The following PLCG2 variants were observed in gnomAD, a reference collection of about 807,000 sequenced individuals.
PLCG2 encodes the protein 1-phosphatidylinositol 4,5-bisphosphate phosphodiesterase gamma-2.
A neutral mutation model predicts 175.6 loss-of-function variants in PLCG2; 69 were observed. The observed-to-expected ratio is 0.39, with a 90% CI of 0.32 to 0.48. The LOEUF (loss-of-function observed/expected upper bound fraction) is 0.48, where lower values mean the gene tolerates loss of function less well. Ranked by LOEUF, PLCG2 falls within the 20% of genes least tolerant of loss-of-function variation. PLCG2 has a pLI of 0.91. For synonymous variants in PLCG2, 827 were observed against 624.0 expected (o/e 1.33, Z -4.85); for missense variants, 1,798 against 1,650.9 (o/e 1.09, Z -1.54).
At chr16:81,912,208 C>T (rs1337255699) in intron 18 of PLCG2, among the ~76,000 whole-genome samples, 1 of 152,198 alleles carries the variant, frequency 6.6e-6, no homozygotes, top group African/African-American at 2.4e-5. Flanking sequence ...GCTGGGATTA[C>T]AGGCGTGAGC....
intron 23 of PLCG2, among the ~76,000 whole-genome samples, chr16:81,927,721 T>C (rs1259463976): frequency 1.3e-5 from 2 of 152,218 alleles, no homozygotes; most frequent in Non-Finnish European, 2.9e-5. Context: ...CCCAGGTGTT[T>C]ATTTTCTAAG....
chr16:81,824,046 T>G lies in PLCG2; in HGVS notation c.194-30398T>G, dbSNP rs13335046. On this transcript the variant is annotated intron_variant, in intron 2 of 32. Coordinates refer to ENST00000564138, the MANE Select transcript of PLCG2 (RefSeq NM_002661.5). ...TTCCTTTCCTTTCCTTTCCTTTCCT[T>G]TCCTGTCCTGTCCTGTCCTGTCCTG... Among the ~76,000 whole-genome samples, 379 of 108,734 alleles carry G rather than the reference T, an allele frequency of 3.5e-3. 9 individuals carry two copies. Among genetic ancestry groups the G allele is most frequent in the African/African-American group, 0.014 (328 of 23,404 alleles). The allele number at this position is 108,734 out of a possible 152,430, so 71.3% of individuals were successfully genotyped here. A position where few individuals can be genotyped will look rare whatever the true frequency, so the allele number is the denominator to read the frequency against.
At chr16:81,860,520 A>G (rs1597359460) in intron 5 of PLCG2, among the ~76,000 whole-genome samples, 1 of 152,126 alleles carries the variant, frequency 6.6e-6, no homozygotes, top group African/African-American at 2.4e-5. Flanking sequence ...CCCTTTCCTG[A>G]TGATTTATTG....
chr16:81,905,099 C>T (rs1051426938), intron 14 of PLCG2, among the ~76,000 whole-genome samples: 9 of 152,234 alleles, frequency 5.9e-5, no homozygotes, highest in Non-Finnish European at 7.3e-5. Context: ...GTTGGCCAGG[C>T]TGGTCTAGAA....
intron 13 of PLCG2, chr16:81,897,957 A>T (rs569636742): frequency 2.3e-6 from 1 of 432,424 alleles, no homozygotes; most frequent in Non-Finnish European, 4.7e-6. Context: ...AAACCTTTCA[A>T]TGAAGGCATA....
intron 2 of PLCG2, among the ~76,000 whole-genome samples, chr16:81,787,570 A>G (rs539405150): frequency 2.0e-5 from 3 of 149,984 alleles, no homozygotes; most frequent in Non-Finnish European, 4.4e-5. Context: ...TGATTGAGAC[A>G]TAATTCACAT....
chr16:81,889,093 C>T (rs371373862), intron 9 of PLCG2, 79 bp from the exon 10 acceptor site: 32 of 847,990 alleles, frequency 3.8e-5, no homozygotes, highest in East Asian at 3.3e-4. Flanking sequence ...TCTTCGATTG[C>T]GACTGGATGG....
rs549011963 is a variant in PLCG2 at position 81,910,967 on chromosome 16, C to T, written c.1934+247C>T. ...TTCTTCTACTTTGTCTTCATAGCCC[C>T]GAGACTTTGGGCTTTGATTTTCAGA... On this transcript the variant is annotated intron_variant, in intron 18 of 32. Transcript: ENST00000564138. 7.2e-5 allele frequency among the ~76,000 whole-genome samples: 11 copies of T among 152,230 alleles called. No individual in the cohort carries two copies. The South Asian group carries it at 1.0e-3, about 14-fold the overall frequency.
intron 1 of PLCG2, among the ~76,000 whole-genome samples, chr16:81,782,906 A>T (rs1376789570): frequency 6.6e-6 from 1 of 152,228 alleles, no homozygotes; most frequent in African/African-American, 2.4e-5. Context: ...ACTGCAGGTG[A>T]GAGTGTAAAT....
intron 2 of PLCG2, among the ~76,000 whole-genome samples, chr16:81,757,541 G>C (rs12932989): frequency 0.012 from 1,842 of 152,120 alleles, 15 homozygotes; most frequent in South Asian, 0.031. Flanking sequence ...TCCAGCCTGG[G>C]TGACAGAGTG....
At chr16:81,908,977 C>G (rs925227814) in intron 17 of PLCG2, among the ~76,000 whole-genome samples, 1 of 152,178 alleles carries the variant, frequency 6.6e-6, no homozygotes, top group Non-Finnish European at 1.5e-5. Context: ...CTTCTAGCAT[C>G]TCTGTCTCCT....
intron 1 of PLCG2, among the ~76,000 whole-genome samples, chr16:81,780,326 T>C (rs771491054): frequency 7.9e-5 from 12 of 152,168 alleles, no homozygotes. Context: ...GTGTCGAGAA[T>C]TGGGGCTTAT....
intron 2 of PLCG2, among the ~76,000 whole-genome samples, chr16:81,761,617 A>G (rs145814860): frequency 1.0e-3 from 153 of 152,252 alleles, no homozygotes; most frequent in African/African-American, 3.5e-3. Flanking sequence ...GGGGATCAAA[A>G]TAGAACACCC....
intron 2 of PLCG2, among the ~76,000 whole-genome samples, 191 bp from the exon 3 acceptor site, chr16:81,854,253 G>A (rs1906567980): frequency 6.6e-6 from 1 of 152,182 alleles, no homozygotes; most frequent in Admixed American, 6.5e-5. Flanking sequence ...GGCAGCAAAT[G>A]CCCGGGTAGG....
At chr16:81,786,389 T>G (rs769972632) in intron 2 of PLCG2, among the ~76,000 whole-genome samples, 39 of 152,208 alleles carry the variant, frequency 2.6e-4, no homozygotes, top group Non-Finnish European at 5.7e-4. Flanking sequence ...AAAACTCTGG[T>G]GAAAGAACTG....
chr16:81,782,547 A>G (rs946944410), intron 1 of PLCG2, among the ~76,000 whole-genome samples: 2 of 152,226 alleles, frequency 1.3e-5, no homozygotes, highest in African/African-American at 4.8e-5. Flanking sequence ...GCAGGATTTG[A>G]ATGGTGGACT....
chr16:81,780,711 G>A (rs1910690926), intron 1 of PLCG2, among the ~76,000 whole-genome samples: 1 of 152,178 alleles, frequency 6.6e-6, no homozygotes, highest in South Asian at 2.1e-4. Context: ...TCAATGAAAA[G>A]CTGCTGGTGA....
intron 24 of PLCG2, among the ~76,000 whole-genome samples, chr16:81,930,359 T>C (rs1305897685): frequency 6.6e-6 from 1 of 152,168 alleles, no homozygotes; most frequent in Non-Finnish European, 1.5e-5. Context: ...TCTCCTAGTT[T>C]CTGGTGACTC....
chr16:81,835,520 T>C, intron 2 of PLCG2, among the ~76,000 whole-genome samples: 1 of 152,032 alleles, frequency 6.6e-6, no homozygotes, highest in Admixed American at 6.6e-5. Flanking sequence ...TGGAGGTTGC[T>C]GTGAGCTGAG....
Sources: allele counts gnomAD v4.1 joint callset (sites outside exome capture counted in the v4.1 genomes callset), GRCh38; gene constraint gnomAD v4.1.1; transcripts MANE v1.5; gene names NCBI Gene and HGNC (gene_info 2026-07-23, HGNC 2026-07-21).